Variants in FUZ observed in about 807,000 individuals in gnomAD.
The protein encoded by FUZ is fuzzy planar cell polarity protein.
FUZ carries 31 observed loss-of-function variants against 43.1 expected under a neutral mutation model. That is an observed-to-expected ratio of 0.72 (90% CI 0.54 to 0.97). FUZ has a LOEUF of 0.97. FUZ is among the 50% of genes least tolerant of loss of function. FUZ has a pLI of 0.00. For missense variants in FUZ, 539 were observed against 543.8 expected, an observed-to-expected ratio of 0.99 and a Z score of 0.09; for synonymous variants, 274 against 250.0, an observed-to-expected ratio of 1.10 and a Z score of -0.91.
intron 1 of FUZ, 108 bp downstream of exon 1, chr19:49,812,888 G>T: frequency 7.5e-7 from 1 of 1,338,516 alleles, no homozygotes. Flanking sequence ...TTGCCTCCTC[G>T]GTCCTACAAA....
chr19:49,808,279 G>C, intron 10 of FUZ, 135 bp downstream of exon 10: 1 of 917,426 alleles, frequency 1.1e-6, no homozygotes, highest in East Asian at 2.6e-5. Flanking sequence ...AGATCTCAAG[G>C]AAAACCACTG....
rs2073856462 is a variant in FUZ at position 49,812,835 on chromosome 19, T to A, written c.112-99A>T. ...CTCCCAGCCCCATCCTCTTTCCATA[T>A]GACCTGGCAGTGCCTCTTTGGGGAA... On this transcript the variant is annotated intron_variant, in intron 1 of 10. Transcript: ENST00000313777. 1.3e-5 allele frequency: 20 copies of A among 1,511,986 alleles called. 1 individual carries two copies. The South Asian group carries it at 2.1e-4, about 16-fold the overall frequency. 93.7% of individuals were successfully genotyped at this position (1,511,986 alleles called of 1,614,324 possible).
chr19:49,808,384 C>T (rs1416992952), intron 10 of FUZ, 30 bp downstream of exon 10: 6 of 1,601,366 alleles, frequency 3.7e-6, no homozygotes, highest in African/African-American at 1.3e-5. Context: ...TCCCCGCCTG[C>T]GCAGTGGGAG....
rs773567335 is a variant in FUZ, at chr19:49,812,598, C to A, written c.233+17G>T. On this transcript the variant is annotated intron_variant, in intron 2 of 10. Coordinates refer to ENST00000313777, the MANE Select transcript of FUZ (RefSeq NM_025129.5). Reference sequence around the variant, plus strand: ...TCACCCAGGCCCTGTCCCTGTCCCACGTTCCCTCCTGGGGACCTGTCATGG... The same window carrying A: ...TCACCCAGGCCCTGTCCCTGTCCCAAGTTCCCTCCTGGGGACCTGTCATGG... 1.2e-5 allele frequency: 20 copies of A among 1,614,026 alleles called. No homozygotes were observed. The South Asian group carries it at 2.0e-4, about 16-fold the overall frequency.
chr19:49,812,812 C>T, intron 1 of FUZ, 76 bp from the exon 2 acceptor site: 1 of 1,577,414 alleles, frequency 6.3e-7, no homozygotes, highest in Non-Finnish European at 8.7e-7. Flanking sequence ...TGTGCCAGCT[C>T]CCAGCCCCAT....
intron 4 of FUZ, 39 bp downstream of exon 4, chr19:49,811,592 G>C (rs749797231): frequency 1.2e-6 from 2 of 1,603,232 alleles, no homozygotes; most frequent in Non-Finnish European, 1.7e-6. Context: ...GCAGTGCCCA[G>C]GTATCCTAAC....
upstream of FUZ, chr19:49,813,381 G>C (rs964715532): frequency 3.7e-6 from 2 of 540,468 alleles, no homozygotes; most frequent in Non-Finnish European, 6.7e-6. Flanking sequence ...AATTTGCAAA[G>C]CTTTCTAGTT....
chr19:49,813,136 G>A lies in FUZ; in HGVS notation c.-30C>T. On this transcript the variant is annotated 5_prime_UTR_variant, in exon 1 of 11. Transcript: ENST00000313777. ...GACTCCCACCGCGGTCCCTCACGTG[G>A]GGACTGTCAGTGCGGGTCTTGGAGC... The A allele has an allele frequency of 1.3e-6, 2 of 1,522,170 alleles. No homozygotes were observed. Among genetic ancestry groups the A allele is most frequent in the Non-Finnish European group, 8.9e-7 (1 of 1,120,798 alleles). 94.3% of individuals were successfully genotyped at this position (1,522,170 alleles called of 1,614,324 possible).
At chr19:49,812,570 C>G in intron 2 of FUZ, 45 bp downstream of exon 2, 1 of 1,613,860 alleles carries the variant, frequency 6.2e-7, no homozygotes, top group South Asian at 1.1e-5. Context: ...TCAACAGGGA[C>G]TATCACCCAG....
At chr19:49,812,412 C>G in intron 2 of FUZ, 77 bp from the exon 3 acceptor site, 3 of 1,372,076 alleles carry the variant, frequency 2.2e-6, no homozygotes, top group Non-Finnish European at 3.1e-6. Flanking sequence ...GCCCATTGAT[C>G]CTAGAACACC....
In FUZ at chr19:49,809,368, A is replaced by AC. The variant is rs2123806897; in HGVS notation, c.690+9dup. ...TCACATCCCTCCGTCGGTGCCCGCC[A>AC]CCCACTCACCGTGGGGCTCCCGTGC... is the stretch of plus-strand genomic sequence containing the variant. On this transcript the variant is annotated intron_variant, in intron 6 of 10. Transcript: ENST00000313777. The surrounding 1 kb of genome is among the most constrained non-coding windows in gnomAD (Gnocchi z 5.1). 3.2e-6 allele frequency: 5 copies of AC among 1,544,452 alleles called. No homozygotes were observed. In the East Asian group the frequency reaches 1.2e-4, roughly 38 times the overall value.
rs2073851327 is a variant in FUZ at position 49,812,738 on chromosome 19, TAAG to T, written c.112-5_112-3del. 6.2e-7 allele frequency: 1 copy of T among 1,613,604 alleles called. No individual in the cohort carries two copies. Among genetic ancestry groups the T allele is most frequent in the South Asian group, 1.1e-5 (1 of 91,086 alleles). ...GGAACCGATGACAGAGAACGGGAGCTAAGGAGGGGTTAGGGACATCAGACAAGA... is the reference window on the plus strand; with the variant it reads ...GGAACCGATGACAGAGAACGGGAGCTGAGGGGTTAGGGACATCAGACAAGA... On this transcript the variant is annotated splice_polypyrimidine_tract_variant and splice_region_variant and intron_variant, in intron 1 of 10. Coordinates refer to ENST00000313777, the MANE Select transcript of FUZ (RefSeq NM_025129.5).
At position 49,808,471 on chromosome 19, in the gene FUZ, G is replaced by A; in HGVS notation, c.976C>T (p.Arg326Cys). 6.2e-7 allele frequency: 1 copy of A among 1,612,218 alleles called. No individual in the cohort carries two copies. Among genetic ancestry groups the A allele is most frequent in the East Asian group, 2.2e-5 (1 of 44,836 alleles). ...LGDKEPSPEQ[R>C]RRLLRNFYTL... ...TAGAAGTTTCGGAGGAGGCGCCGGC[G>A]CTGTTCTGGTGAAGGCTCTGCTGGG... Residue 326 changes from arginine to cysteine, a missense_variant, in exon 10 of 11, where the codon CGC (arginine) becomes TGC (cysteine). Physicochemically the swap from Arg to Cys is radical, Grantham distance 180 (BLOSUM62 -3). Transcript: ENST00000313777.
rs766116099 is a variant in FUZ, at chr19:49,811,700, C to T, written c.319-1G>A. On this transcript the variant is annotated splice_acceptor_variant, in intron 3 of 10. Coordinates refer to ENST00000313777, the MANE Select transcript of FUZ (RefSeq NM_025129.5). LOFTEE classifies it high-confidence loss of function. ...GTTCTTCAAGTCCCACAAGAAGGACCTAGAAGAATCATATAGGAGAGGATG... is the reference window on the plus strand; with the variant it reads ...GTTCTTCAAGTCCCACAAGAAGGACTTAGAAGAATCATATAGGAGAGGATG... 2.5e-6 allele frequency: 4 copies of T among 1,613,260 alleles called. No homozygotes were observed. The highest frequency in any genetic ancestry group is 1.7e-6 in the Non-Finnish European group (2 of 1,179,338).
chr19:49,810,941 G>C (rs2073750075), intron 5 of FUZ: 1 of 341,604 alleles, frequency 2.9e-6, no homozygotes, highest in Non-Finnish European at 5.6e-6. Flanking sequence ...CCTGAGGTAA[G>C]AAGTTCGAGA....
In FUZ at chr19:49,812,626, G is replaced by C. The variant is rs752917956; in HGVS notation, c.222C>G (p.Ser74Arg). 2 of 1,614,128 alleles carry C rather than the reference G, an allele frequency of 1.2e-6. No individual in the cohort carries two copies. Among genetic ancestry groups the C allele is most frequent in the Non-Finnish European group, 1.7e-6 (2 of 1,180,032 alleles). Residue 74 changes from serine to arginine, a missense_variant, in exon 2 of 11, where the codon AGC becomes AGG. Physicochemically the swap from Ser to Arg is moderately radical, Grantham distance 110. Coordinates refer to ENST00000313777, the MANE Select transcript of FUZ (RefSeq NM_025129.5). ...RTENTTVVWK[S>R]FHDSITLIVL... is the part of the protein sequence containing the mutation. ...TCCCTCCTGGGGACCTGTCATGGAA[G>C]CTTTTCCACACCACAGTCGTGTTCT... is the stretch of plus-strand genomic sequence containing the variant.
rs1473056226 is a variant in FUZ at position 49,809,031 on chromosome 19, G to A, written c.786+132C>T. ...GGGAGCGGCCGATCTTGGCGGGTAGGTGAATGACTGGAGCGCAGTCCAGAA... is the reference window on the plus strand; with the variant it reads ...GGGAGCGGCCGATCTTGGCGGGTAGATGAATGACTGGAGCGCAGTCCAGAA... On this transcript the variant is annotated intron_variant, in intron 7 of 10. Coordinates refer to ENST00000313777, the MANE Select transcript of FUZ (RefSeq NM_025129.5). The surrounding 1 kb of genome is among the most constrained non-coding windows in gnomAD (Gnocchi z 5.1). The A allele has an allele frequency of 1.4e-5, 14 of 988,280 alleles. No individual in the cohort carries two copies. Among genetic ancestry groups the A allele is most frequent in the Admixed American group, 6.0e-5 (3 of 50,196 alleles). 61.2% of individuals were successfully genotyped at this position (988,280 alleles called of 1,614,324 possible).
Position 49,811,349 on chromosome 19 carries a change from A to T in FUZ, c.492+14T>A. The stretch of plus-strand genomic sequence containing the variant: ...GCAGAACAGGTGTAAGAGTTTCCAT[A>T]GCATCCCCAGTACCTGCAAGAGGGA... On this transcript the variant is annotated intron_variant, in intron 5 of 10. Transcript: ENST00000313777. 2 of 1,565,686 alleles carry T rather than the reference A, an allele frequency of 1.3e-6. No individual in the cohort carries two copies. The highest frequency in any genetic ancestry group is 1.7e-6 in the Non-Finnish European group (2 of 1,145,838).
At position 49,812,632 on chromosome 19, in the gene FUZ, C is replaced by T. The variant is rs749081995; in HGVS notation, c.216G>A (p.Trp72Ter). 4.3e-6 allele frequency: 7 copies of T among 1,614,036 alleles called. No homozygotes were observed. The highest frequency in any genetic ancestry group is 5.1e-6 in the Non-Finnish European group (6 of 1,180,046). ...SARTENTTVV[W>*]KSFHDSITLI... The stretch of plus-strand genomic sequence containing the variant: ...CTGGGGACCTGTCATGGAAGCTTTT[C>T]CACACCACAGTCGTGTTCTCGGTCC... Residue 72 changes from tryptophan (W) to a stop codon, truncating the protein, a stop_gained, in exon 2 of 11, where the codon TGG (tryptophan) becomes TGA (stop). Coordinates refer to ENST00000313777, the MANE Select transcript of FUZ (RefSeq NM_025129.5). LOFTEE classifies it high-confidence loss of function.
Sources: gnomAD v4.1 joint callset for allele counts on GRCh38, gnomAD v4.1.1 for gene constraint, Gnocchi (gnomAD v3.1) non-coding constraint, MANE v1.5 for transcripts, NCBI Gene and HGNC (gene_info 2026-07-23, HGNC 2026-07-21) for gene names.